The following ROBO2 variants were observed in gnomAD, a reference collection of about 807,000 sequenced individuals.
ROBO2 encodes the protein roundabout homolog 2.
A neutral mutation model predicts 160.8 loss-of-function variants in ROBO2; 53 were observed. The observed-to-expected ratio is 0.33, with a 90% CI of 0.26 to 0.41. The LOEUF is 0.41. ROBO2 is among the 10% of genes least tolerant of loss of function. The pLI, the probability that ROBO2 is intolerant of heterozygous loss-of-function variation, is 1.00. For missense variants in ROBO2, 1,577 were observed against 1,722.4 expected (o/e 0.92, Z 1.49); for synonymous variants, 664 against 611.7 (o/e 1.09, Z -1.26).
At chr3:76,799,331 C>T (rs1253317522) in intron 2 of ROBO2, among the ~76,000 whole-genome samples, 2 of 152,062 alleles carry the variant, frequency 1.3e-5, no homozygotes, top group African/African-American at 4.8e-5. Context: ...GGCAAGGATG[C>T]CTACTCTCAC....
intron 2 of ROBO2, among the ~76,000 whole-genome samples, chr3:76,477,957 C>T (rs1381013138): frequency 1.3e-5 from 2 of 151,902 alleles, no homozygotes; most frequent in African/African-American, 4.8e-5. Flanking sequence ...TTTCTCCATT[C>T]AAAAAACTTC....
At chr3:76,296,834 C>G (rs906269973) in intron 2 of ROBO2, among the ~76,000 whole-genome samples, 2 of 152,044 alleles carry the variant, frequency 1.3e-5, no homozygotes, top group Non-Finnish European at 2.9e-5. Context: ...ACTAGGTGAG[C>G]GGGTAGCTTG....
intron 5 of ROBO2, among the ~76,000 whole-genome samples, chr3:77,502,508 C>G (rs905765651): frequency 2.0e-5 from 3 of 152,072 alleles, no homozygotes; most frequent in African/African-American, 7.2e-5. Flanking sequence ...CTTTTCTTCT[C>G]AACACTATAT....
At chr3:76,799,221 A>G (rs1449582731) in intron 2 of ROBO2, among the ~76,000 whole-genome samples, 1 of 135,934 alleles carries the variant, frequency 7.4e-6, no homozygotes, top group Admixed American at 7.8e-5. Flanking sequence ...CTCAAAAAAA[A>G]CAAAAACAAA....
chr3:76,902,131 A>C (rs979193155), intron 2 of ROBO2, among the ~76,000 whole-genome samples: 1 of 152,064 alleles, frequency 6.6e-6, no homozygotes, highest in African/African-American at 2.4e-5. Flanking sequence ...TCTTATTTAA[A>C]AGCTACACGA....
intron 1 of ROBO2, among the ~76,000 whole-genome samples, chr3:75,916,152 TTGGTAATGG>T (rs1946800538): frequency 6.6e-6 from 1 of 152,174 alleles, no homozygotes; most frequent in African/African-American, 2.4e-5. Context: ...ATCAAGATAT[TTGGTAATGG>T]TGATTGATGC....
At chr3:76,975,639 G>T (rs1487534828) in intron 2 of ROBO2, among the ~76,000 whole-genome samples, 3 of 151,910 alleles carry the variant, frequency 2.0e-5, no homozygotes, top group Non-Finnish European at 4.4e-5. Context: ...TTCCTAATTA[G>T]CTTTTGAAGG....
chr3:76,709,235 C>T (rs537934991), intron 2 of ROBO2, among the ~76,000 whole-genome samples: 2 of 152,264 alleles, frequency 1.3e-5, no homozygotes, highest in African/African-American at 4.8e-5. Flanking sequence ...AACACAGCTA[C>T]CATTCACACA....
intron 2 of ROBO2, among the ~76,000 whole-genome samples, chr3:76,023,819 CA>C (rs1366700485): frequency 6.6e-6 from 1 of 151,402 alleles, no homozygotes; most frequent in Non-Finnish European, 1.5e-5. Context: ...AGGCTGGCCA[CA>C]AACCTTCAAT....
intron 2 of ROBO2, among the ~76,000 whole-genome samples, chr3:76,441,728 TG>T (rs1341378442): frequency 2.0e-5 from 3 of 152,166 alleles, no homozygotes; most frequent in Non-Finnish European, 4.4e-5. Context: ...TTTAGCTAGA[TG>T]AAGAAATGCA....
At chr3:77,370,750 A>G (rs2071629428) in intron 2 of ROBO2, among the ~76,000 whole-genome samples, 1 of 64,608 alleles carries the variant, frequency 1.5e-5, no homozygotes, top group African/African-American at 4.8e-5. Context: ...ATGAAAGGCA[A>G]GTGTCAGTGT....
At chr3:77,295,503 A>C (rs1378043199) in intron 2 of ROBO2, among the ~76,000 whole-genome samples, 1 of 150,376 alleles carries the variant, frequency 6.6e-6, no homozygotes, top group Non-Finnish European at 1.5e-5. Context: ...ATCACCCCAG[A>C]CATAAAGTAA....
intron 2 of ROBO2, among the ~76,000 whole-genome samples, chr3:76,206,198 A>G (rs942612530): frequency 3.3e-5 from 5 of 152,118 alleles, no homozygotes; most frequent in Middle Eastern, 6.8e-3. Context: ...GGCTGCCCCA[A>G]AGCCTCTCAG....
intron 2 of ROBO2, among the ~76,000 whole-genome samples, chr3:76,513,414 G>A (rs554204132): frequency 4.7e-4 from 71 of 152,122 alleles, no homozygotes; most frequent in African/African-American, 1.2e-3. Context: ...GTGCAGTGGT[G>A]TGATCTCAGC....
At chr3:76,655,627 T>C (rs114601989) in intron 2 of ROBO2, among the ~76,000 whole-genome samples, 12,090 of 146,862 alleles carry the variant, frequency 0.082, 500 homozygotes, top group Non-Finnish European at 0.094. Context: ...TTATTCATTA[T>C]ATTATTAAAA....
chr3:76,402,477 C>T (rs1327404742), intron 2 of ROBO2, among the ~76,000 whole-genome samples: 1 of 151,562 alleles, frequency 6.6e-6, no homozygotes, highest in East Asian at 1.9e-4. Flanking sequence ...TTAGCAAGAA[C>T]TTATGGGCTT....
At chr3:76,518,519 ACTT>A (rs1286521792) in intron 2 of ROBO2, among the ~76,000 whole-genome samples, 3 of 152,044 alleles carry the variant, frequency 2.0e-5, no homozygotes, top group South Asian at 4.1e-4. Context: ...TTTTTCACTC[ACTT>A]CTTATTGGCC....
chr3:76,398,233 C>A (rs556012739), intron 2 of ROBO2, among the ~76,000 whole-genome samples: 23 of 151,224 alleles, frequency 1.5e-4, no homozygotes, highest in East Asian at 1.2e-3. Flanking sequence ...GGAGAAAAAA[C>A]CAAACACTGC....
intron 1 of ROBO2, among the ~76,000 whole-genome samples, chr3:77,075,333 T>C (rs2067853625): frequency 2.0e-5 from 3 of 152,178 alleles, no homozygotes; most frequent in Admixed American, 1.3e-4. Context: ...ATTTCAGTCA[T>C]TGAGGCAATT....
Sources: gnomAD v4.1 joint callset for allele counts (sites outside exome capture counted in the v4.1 genomes callset) on GRCh38, gnomAD v4.1.1 for gene constraint, MANE v1.5 for transcripts, NCBI Gene and HGNC (gene_info 2026-07-23, HGNC 2026-07-21) for gene names.